Variants in PI4KA observed in about 807,000 individuals in gnomAD.
PI4KA encodes phosphatidylinositol 4-kinase alpha, also known as PI4-kinase alpha.
Under a neutral mutation model 271.4 loss-of-function variants are expected in PI4KA, and 122 were observed. The ratio of observed to expected loss-of-function variants is 0.45; its 90% CI spans 0.39 to 0.52. The LOEUF (loss-of-function observed/expected upper bound fraction) is 0.52, where lower values mean the gene tolerates loss of function less well. Among genes scored for constraint, PI4KA ranks in the 20% least tolerant of loss-of-function variants. The pLI is 0.00. For missense variants in PI4KA, 1,969 were observed against 2,769.1 expected (o/e 0.71, Z 6.48); for synonymous variants, 1,041 against 1,078.8 (o/e 0.96, Z 0.69).
At chr22:20,815,951 T>C (rs75431084) in intron 7 of PI4KA, among the ~76,000 whole-genome samples, 2 of 151,026 alleles carry the variant, frequency 1.3e-5, no homozygotes, top group South Asian at 2.1e-4. Flanking sequence ...TTTTTTTTTT[T>C]CCTGTGAGAC....
chr22:20,713,230 G>C (rs2147174095), intron 48 of PI4KA, 51 bp downstream of exon 48: 1 of 1,313,750 alleles, frequency 7.6e-7, no homozygotes, highest in Middle Eastern at 2.1e-4. Flanking sequence ...TGGAGCCTTG[G>C]GGAGCAGCAA....
chr22:20,713,739 C>T (rs537922013), intron 47 of PI4KA, among the ~76,000 whole-genome samples: 4 of 152,282 alleles, frequency 2.6e-5, no homozygotes, highest in South Asian at 4.1e-4. Context: ...TGGGAGGGCT[C>T]GGGGCCAGCG....
At chr22:20,799,815 G>A (rs754781768) in intron 14 of PI4KA, 49 bp from the exon 15 acceptor site, 27 of 1,230,620 alleles carry the variant, frequency 2.2e-5, no homozygotes, top group Non-Finnish European at 3.1e-5. Context: ...AACCAAGATA[G>A]GTTTTTTGTT....
At chr22:20,742,977 A>C in intron 30 of PI4KA, 1 of 560,186 alleles carries the variant, frequency 1.8e-6, no homozygotes, top group Non-Finnish European at 3.2e-6. Flanking sequence ...CTAGAAATGC[A>C]TGTTGGCAGT....
intron 42 of PI4KA, among the ~76,000 whole-genome samples, chr22:20,723,603 G>A (rs1384887874): frequency 6.6e-6 from 1 of 151,716 alleles, no homozygotes; most frequent in Non-Finnish European, 1.5e-5. Flanking sequence ...GGCCAAGGCA[G>A]GTGGATCACC....
chr22:20,813,722 T>C (rs1436855639), intron 7 of PI4KA, among the ~76,000 whole-genome samples: 4 of 152,364 alleles, frequency 2.6e-5, no homozygotes, highest in Admixed American at 2.0e-4. Flanking sequence ...GACTCAGATA[T>C]GATGGTCCTA....
intron 22 of PI4KA, among the ~76,000 whole-genome samples, chr22:20,762,054 T>C (rs1028088179): frequency 6.6e-6 from 1 of 152,220 alleles, no homozygotes; most frequent in Non-Finnish European, 1.5e-5. Flanking sequence ...CTCTTTTTTG[T>C]TTTATGCACT....
At chr22:20,856,792 T>C (rs1013648653) in intron 1 of PI4KA, among the ~76,000 whole-genome samples, 31 of 152,238 alleles carry the variant, frequency 2.0e-4, no homozygotes, top group African/African-American at 7.0e-4. Context: ...ATGTTGCAAT[T>C]ACAGAATGTT....
chr22:20,759,292 G>T (rs1931690828), intron 23 of PI4KA, among the ~76,000 whole-genome samples: 1 of 152,142 alleles, frequency 6.6e-6, no homozygotes, highest in Non-Finnish European at 1.5e-5. Flanking sequence ...AATCCACTTG[G>T]GTTGGCCTCC....
intron 19 of PI4KA, among the ~76,000 whole-genome samples, chr22:20,792,026 A>T (rs1353913597): frequency 6.6e-6 from 1 of 152,162 alleles, no homozygotes; most frequent in Non-Finnish European, 1.5e-5. Flanking sequence ...GCTTGAACCC[A>T]GGAGGTGGAG....
chr22:20,847,763 A>AAC (rs1246671262), intron 1 of PI4KA, among the ~76,000 whole-genome samples: 1 of 151,906 alleles, frequency 6.6e-6, no homozygotes, highest in African/African-American at 2.4e-5. Flanking sequence ...TCAAAAAAAA[A>AAC]AACAAAAAAA....
chr22:20,709,082 TGGGCCC>T (rs1439379105), intron 54 of PI4KA, among the ~76,000 whole-genome samples: 1 of 150,048 alleles, frequency 6.7e-6, no homozygotes, highest in African/African-American at 2.4e-5. Context: ...CCTGCCCAGG[TGGGCCC>T]GGCCTCTGCC....
intron 43 of PI4KA, among the ~76,000 whole-genome samples, chr22:20,720,890 A>G (rs1256485321): frequency 6.6e-6 from 1 of 152,242 alleles, no homozygotes; most frequent in Admixed American, 6.5e-5. Context: ...TAATGCTCAC[A>G]TTAAACAGCG....
chr22:20,798,701 A>C lies in PI4KA; in HGVS notation c.2005-14T>G, dbSNP rs1469998549. The C allele has an allele frequency of 1.9e-6, 3 of 1,549,482 alleles. No homozygotes were observed. Among genetic ancestry groups the C allele is most frequent in the Non-Finnish European group, 1.8e-6 (2 of 1,121,186 alleles). On this transcript the variant is annotated splice_polypyrimidine_tract_variant and intron_variant, in intron 16 of 54. Coordinates refer to ENST00000255882, the MANE Select transcript of PI4KA (RefSeq NM_058004.4). Reference sequence around the variant, plus strand: ...ATAGATGTATTGCTGGGAGAGAGCAAGATGCACTGTCACCATGCAGGATGC... The same window carrying C: ...ATAGATGTATTGCTGGGAGAGAGCACGATGCACTGTCACCATGCAGGATGC...
chr22:20,851,138 C>T lies in PI4KA; in HGVS notation c.156+7432G>A, dbSNP rs749411929. Among the ~76,000 whole-genome samples the T allele has an allele frequency of 1.1e-3, 163 of 151,918 alleles. 2 individuals carry two copies. The highest frequency in any genetic ancestry group is 1.1e-3 in the Non-Finnish European group (74 of 67,992). ...ACTTTGCGAGGCCGAAGTGGGCAGA[C>T]GGCTTGAGCCCTGGAATTTGAGACC... On this transcript the variant is annotated intron_variant, in intron 1 of 54. Coordinates refer to ENST00000255882, the MANE Select transcript of PI4KA (RefSeq NM_058004.4).
intron 4 of PI4KA, among the ~76,000 whole-genome samples, chr22:20,821,615 G>A (rs1004878304): frequency 9.7e-5 from 11 of 113,296 alleles, no homozygotes; most frequent in Admixed American, 4.6e-4. Flanking sequence ...GTTTTGAGGC[G>A]CGGTTTCACT....
intron 18 of PI4KA, among the ~76,000 whole-genome samples, chr22:20,795,063 AAG>A (rs771191197): frequency 2.0e-5 from 3 of 152,208 alleles, no homozygotes; most frequent in East Asian, 3.8e-4. Context: ...GAAGAAATGG[AAG>A]AGAGAGGAAA....
chr22:20,852,548 A>G (rs1426623679), intron 1 of PI4KA, among the ~76,000 whole-genome samples: 1 of 152,210 alleles, frequency 6.6e-6, no homozygotes, highest in Non-Finnish European at 1.5e-5. Flanking sequence ...GGTTACAGGT[A>G]AAGATTTTTT....
At chr22:20,814,762 G>A (rs1219715262) in intron 7 of PI4KA, among the ~76,000 whole-genome samples, 2 of 148,792 alleles carry the variant, frequency 1.3e-5, no homozygotes, top group Non-Finnish European at 3.0e-5. Flanking sequence ...AAAAAAAAAT[G>A]ACATAGCAAA....
Sources: gnomAD v4.1 joint callset for allele counts (sites outside exome capture counted in the v4.1 genomes callset) on GRCh38, gnomAD v4.1.1 for gene constraint, MANE v1.5 for transcripts, NCBI Gene and HGNC (gene_info 2026-07-23, HGNC 2026-07-21) for gene names.